CADM2: variants seen among roughly 807,000 people sequenced by gnomAD.
The protein encoded by CADM2 is immunoglobulin superfamily member 4D.
Under a neutral mutation model 49.8 loss-of-function variants are expected in CADM2, and 12 were observed. The observed-to-expected ratio is 0.24, with a 90% CI of 0.15 to 0.39. The LOEUF is 0.39. Ranked by LOEUF, CADM2 falls within the 10% of genes least tolerant of loss-of-function variation. The pLI, the probability that CADM2 is intolerant of heterozygous loss-of-function variation, is 1.00. For missense variants in CADM2, 378 were observed against 492.3 expected, an observed-to-expected ratio of 0.77 and a Z score of 2.20; for synonymous variants, 214 against 175.4, an observed-to-expected ratio of 1.22 and a Z score of -1.74.
chr3:85,291,638 A>G (rs1376775980), intron 1 of CADM2, among the ~76,000 whole-genome samples: 1 of 147,334 alleles, frequency 6.8e-6, no homozygotes, highest in Admixed American at 6.6e-5. Context: ...AATATTCAAC[A>G]TTCTTAAAGA....
chr3:85,429,006 C>T lies in CADM2; in HGVS notation c.62-297516C>T, dbSNP rs2036549089. ...GACTTGGAAAAATATTCCTTTGGCTCAAAATGTTTTGGTTTTAGTTTACTT... is the reference window on the plus strand; with the variant it reads ...GACTTGGAAAAATATTCCTTTGGCTTAAAATGTTTTGGTTTTAGTTTACTT... On this transcript the variant is annotated intron_variant, in intron 1 of 9. Coordinates refer to ENST00000383699, the MANE Select transcript of CADM2 (RefSeq NM_001167675.2). Among the ~76,000 whole-genome samples, 4 of 151,806 alleles carry T rather than the reference C, an allele frequency of 2.6e-5. No individual in the cohort carries two copies. In the South Asian group the frequency reaches 8.3e-4, roughly 31 times the overall value.
At chr3:85,718,885 A>T (rs1303771671) in intron 1 of CADM2, among the ~76,000 whole-genome samples, 37 of 39,416 alleles carry the variant, frequency 9.4e-4, no homozygotes, top group African/African-American at 2.3e-3. Context: ...ATGGTATTTT[A>T]TTATTATTAT....
chr3:85,439,632 C>A (rs1481200108), intron 1 of CADM2, among the ~76,000 whole-genome samples: 2 of 151,948 alleles, frequency 1.3e-5, no homozygotes, highest in African/African-American at 4.8e-5. Context: ...AAAATTATTG[C>A]AGCCAGTTAA....
intron 2 of CADM2, among the ~76,000 whole-genome samples, chr3:85,755,780 C>A (rs1305464548): frequency 2.0e-5 from 3 of 152,062 alleles, no homozygotes; most frequent in Admixed American, 6.6e-5. Context: ...GGGGAATCCA[C>A]CCCCATGATC....
chr3:85,603,592 T>C (rs1289110382), intron 1 of CADM2, among the ~76,000 whole-genome samples: 1 of 151,846 alleles, frequency 6.6e-6, no homozygotes, highest in Non-Finnish European at 1.5e-5. Flanking sequence ...CTGCTGTTAG[T>C]CCCTAACCTG....
intron 2 of CADM2, among the ~76,000 whole-genome samples, chr3:85,778,947 A>G (rs1404626215): frequency 6.6e-6 from 1 of 152,170 alleles, no homozygotes; most frequent in Non-Finnish European, 1.5e-5. Context: ...TTCAGCAATA[A>G]ACAAAGAAAT....
intron 3 of CADM2, among the ~76,000 whole-genome samples, chr3:85,864,792 A>T (rs561094987): frequency 6.6e-6 from 1 of 152,186 alleles, no homozygotes; most frequent in African/African-American, 2.4e-5. Flanking sequence ...TAGATTATTT[A>T]TGTAACTGAT....
intron 1 of CADM2, among the ~76,000 whole-genome samples, chr3:85,413,975 C>T (rs957935459): frequency 1.3e-5 from 2 of 152,068 alleles, no homozygotes; most frequent in Admixed American, 6.5e-5. Context: ...AGCGATTCTT[C>T]TTCCTCAGCC....
intron 1 of CADM2, among the ~76,000 whole-genome samples, chr3:85,080,542 C>A (rs1433590106): frequency 6.6e-6 from 1 of 151,926 alleles, no homozygotes; most frequent in African/African-American, 2.4e-5. Context: ...GGTAGCAGTA[C>A]CAAAATAATA....
intron 1 of CADM2, among the ~76,000 whole-genome samples, chr3:85,446,604 G>GTTT (rs5850688): frequency 9.1e-5 from 12 of 132,000 alleles, no homozygotes; most frequent in Middle Eastern, 4.0e-3. Flanking sequence ...TTTGTTTTTT[G>GTTT]TTTTTTTTTT....
intron 1 of CADM2, among the ~76,000 whole-genome samples, chr3:85,064,484 A>T (rs1011896454): frequency 1.3e-5 from 2 of 152,112 alleles, no homozygotes; most frequent in Non-Finnish European, 2.9e-5. Context: ...TGTACATAAA[A>T]TAACCAAAGA....
chr3:85,352,960 T>C (rs1245098716), intron 1 of CADM2, among the ~76,000 whole-genome samples: 1 of 152,070 alleles, frequency 6.6e-6, no homozygotes, highest in East Asian at 1.9e-4. Context: ...AGTCCTTAAG[T>C]AGAAGTTTTC....
intron 1 of CADM2, among the ~76,000 whole-genome samples, chr3:85,468,860 T>G (rs1490047625): frequency 6.6e-6 from 1 of 152,170 alleles, no homozygotes; most frequent in Non-Finnish European, 1.5e-5. Context: ...GAGCTCAGAC[T>G]TATTGGCAGC....
intron 1 of CADM2, among the ~76,000 whole-genome samples, chr3:85,157,764 C>G (rs1403737887): frequency 1.3e-5 from 2 of 152,006 alleles, no homozygotes; most frequent in Non-Finnish European, 2.9e-5. Context: ...CATTACCATT[C>G]AGGACATAGG....
chr3:86,034,603 A>C (rs1033257998), intron 8 of CADM2, among the ~76,000 whole-genome samples: 1 of 152,070 alleles, frequency 6.6e-6, no homozygotes, highest in Non-Finnish European at 1.5e-5. Context: ...TTAAGACAGC[A>C]TCCGTGTACT....
intron 5 of CADM2, among the ~76,000 whole-genome samples, chr3:85,891,986 C>T (rs140319082): frequency 1.2e-4 from 18 of 152,240 alleles, no homozygotes; most frequent in African/African-American, 4.3e-4. Flanking sequence ...TGTTACACAG[C>T]AGTATTAGGA....
intron 8 of CADM2, among the ~76,000 whole-genome samples, chr3:85,964,109 CTTCTT>C (rs1012625330): frequency 2.0e-5 from 3 of 151,786 alleles, no homozygotes; most frequent in Non-Finnish European, 4.4e-5. Flanking sequence ...AAGCTACTCT[CTTCTT>C]TTAATGGTTT....
chr3:85,008,004 A>C (rs2033820127), intron 1 of CADM2, among the ~76,000 whole-genome samples: 1 of 152,192 alleles, frequency 6.6e-6, no homozygotes, highest in Non-Finnish European at 1.5e-5. Flanking sequence ...AAGAGTTCAT[A>C]ATTCATAAAT....
At chr3:85,760,339 C>T (rs1577245043) in intron 2 of CADM2, among the ~76,000 whole-genome samples, 1 of 146,952 alleles carries the variant, frequency 6.8e-6, no homozygotes, top group Non-Finnish European at 1.5e-5. Context: ...ATGGATACTT[C>T]TTTTTTTTTT....
Sources: allele counts gnomAD v4.1 joint callset (sites outside exome capture counted in the v4.1 genomes callset), GRCh38; gene constraint gnomAD v4.1.1; transcripts MANE v1.5; gene names NCBI Gene and HGNC (gene_info 2026-07-23, HGNC 2026-07-21).